The following ERBB4 variants were observed in gnomAD, a reference collection of about 807,000 sequenced individuals.
The protein encoded by ERBB4 is receptor tyrosine-protein kinase erbB-4.
In ERBB4, 42 loss-of-function variants were observed where a neutral mutation model predicts 158.0. That is an observed-to-expected ratio of 0.27 (90% CI 0.21 to 0.34). The LOEUF (loss-of-function observed/expected upper bound fraction) is 0.34. ERBB4 is among the 10% of genes least tolerant of loss of function. The pLI, the probability that ERBB4 is intolerant of heterozygous loss-of-function variation, is 1.00. For synonymous variants in ERBB4, 583 were observed against 558.7 expected (o/e 1.04, Z -0.61); for missense variants, 1,333 against 1,624.1 (o/e 0.82, Z 3.08).
At chr2:211,882,176 T>C (rs952451243) in intron 3 of ERBB4, among the ~76,000 whole-genome samples, 1 of 152,086 alleles carries the variant, frequency 6.6e-6, no homozygotes, top group African/African-American at 2.4e-5. Context: ...CCTTCTCATT[T>C]TTACTTGTTT....
intron 19 of ERBB4, among the ~76,000 whole-genome samples, chr2:211,573,563 G>A (rs554921970): frequency 5.3e-5 from 8 of 152,048 alleles, no homozygotes; most frequent in South Asian, 2.1e-4. Context: ...CCAGCTACCC[G>A]GGAGGCTGAG....
chr2:211,685,945 T>C (rs1361286276), intron 12 of ERBB4, among the ~76,000 whole-genome samples: 1 of 152,212 alleles, frequency 6.6e-6, no homozygotes, highest in Non-Finnish European at 1.5e-5. Flanking sequence ...CAGATACAAT[T>C]AAACTTTGTA....
In ERBB4 at chr2:212,153,215, C is replaced by G. The variant is rs186271639; in HGVS notation, c.83-28312G>C. Among the ~76,000 whole-genome samples, 13 of 152,292 alleles carry G rather than the reference C, an allele frequency of 8.5e-5. No individual in the cohort carries two copies. In the East Asian group the frequency reaches 2.5e-3, roughly 29 times the overall value. ...AAATATGGCATTTCAAAAAATAAATCTTGGCAAAATACCAATTTTTTCTCA... is the reference window on the plus strand; with the variant it reads ...AAATATGGCATTTCAAAAAATAAATGTTGGCAAAATACCAATTTTTTCTCA... On this transcript the variant is annotated intron_variant, in intron 1 of 27. Transcript: ENST00000342788.
intron 1 of ERBB4, among the ~76,000 whole-genome samples, chr2:212,431,450 C>G (rs1273113971): frequency 6.6e-6 from 1 of 152,056 alleles, no homozygotes; most frequent in Non-Finnish European, 1.5e-5. Flanking sequence ...CTCACCACCC[C>G]CACTGCTTCT....
At chr2:212,037,113 T>TTTG (rs10639245) in intron 2 of ERBB4, among the ~76,000 whole-genome samples, 135,971 of 152,030 alleles carry the variant, frequency 0.89, 62,482 homozygotes, top group East Asian at 1. Context: ...GAAGGGTTTT[T>TTTG]TTGTTTGTTG....
chr2:212,369,937 CTTCAAATGTT>C (rs1237515428), intron 1 of ERBB4, among the ~76,000 whole-genome samples: 1 of 151,900 alleles, frequency 6.6e-6, no homozygotes, highest in Non-Finnish European at 1.5e-5. Context: ...CATTTCATGT[CTTCAAATGTT>C]TTTAGGATCC....
At chr2:212,222,944 G>A (rs2083345265) in intron 1 of ERBB4, among the ~76,000 whole-genome samples, 1 of 151,366 alleles carries the variant, frequency 6.6e-6, no homozygotes, top group Admixed American at 6.6e-5. Flanking sequence ...TCCTGTTAGT[G>A]TCTTTAAAGA....
intron 20 of ERBB4, among the ~76,000 whole-genome samples, chr2:211,506,175 G>T (rs1259898318): frequency 6.6e-6 from 1 of 151,140 alleles, no homozygotes; most frequent in African/African-American, 2.5e-5. Flanking sequence ...AAGACAAAGG[G>T]CATTATATAA....
chr2:211,834,678 G>A (rs1490986040), intron 3 of ERBB4, among the ~76,000 whole-genome samples: 1 of 151,980 alleles, frequency 6.6e-6, no homozygotes, highest in Non-Finnish European at 1.5e-5. Flanking sequence ...TATGGAAGTG[G>A]GCCAGTACAA....
chr2:211,847,725 G>A (rs538372037), intron 3 of ERBB4, among the ~76,000 whole-genome samples: 1 of 152,076 alleles, frequency 6.6e-6, no homozygotes, highest in East Asian at 1.9e-4. Flanking sequence ...GTGGCCCTGG[G>A]AAGCCAAAAG....
At chr2:212,190,160 A>G (rs2082142262) in intron 1 of ERBB4, among the ~76,000 whole-genome samples, 1 of 152,208 alleles carries the variant, frequency 6.6e-6, no homozygotes, top group Non-Finnish European at 1.5e-5. Context: ...TTCAAATTAG[A>G]TTATCTTTGT....
chr2:211,593,012 C>A (rs1312032895), intron 19 of ERBB4, among the ~76,000 whole-genome samples: 45 of 141,042 alleles, frequency 3.2e-4, no homozygotes, highest in Admixed American at 4.3e-4. Flanking sequence ...GACTCCATCT[C>A]AAAAAAAAAA....
chr2:212,342,632 G>A (rs1227013868), intron 1 of ERBB4, among the ~76,000 whole-genome samples: 1 of 151,984 alleles, frequency 6.6e-6, no homozygotes, highest in Non-Finnish European at 1.5e-5. Flanking sequence ...CCATATATCT[G>A]GGTTTTCAAT....
At chr2:212,404,360 T>G (rs1357804319) in intron 1 of ERBB4, among the ~76,000 whole-genome samples, 1 of 152,014 alleles carries the variant, frequency 6.6e-6, no homozygotes, top group Non-Finnish European at 1.5e-5. Context: ...GCAGAAGTAA[T>G]CACTCTTCCC....
chr2:212,235,021 T>C (rs992210175), intron 1 of ERBB4, among the ~76,000 whole-genome samples: 7 of 152,132 alleles, frequency 4.6e-5, no homozygotes, highest in African/African-American at 1.7e-4. Flanking sequence ...GCCATTGGTG[T>C]TTGTTGTTTT....
At chr2:211,607,888 TAGACAGGG>T (rs2069047168) in intron 19 of ERBB4, among the ~76,000 whole-genome samples, 1 of 118,864 alleles carries the variant, frequency 8.4e-6, no homozygotes. Context: ...TTTTTTTTTT[TAGACAGGG>T]TCTCACTCTG....
At chr2:212,196,955 C>G (rs2082444190) in intron 1 of ERBB4, among the ~76,000 whole-genome samples, 1 of 152,112 alleles carries the variant, frequency 6.6e-6, no homozygotes. Flanking sequence ...TGGGTAGCAA[C>G]CCACATTTGA....
chr2:212,024,987 A>G (rs1462060763), intron 2 of ERBB4, among the ~76,000 whole-genome samples: 1 of 151,926 alleles, frequency 6.6e-6, no homozygotes, highest in Non-Finnish European at 1.5e-5. Context: ...AAGGGCTACC[A>G]GTACCTCCTT....
chr2:211,986,668 T>C (rs1290411578), intron 2 of ERBB4, among the ~76,000 whole-genome samples: 1 of 152,168 alleles, frequency 6.6e-6, no homozygotes, highest in African/African-American at 2.4e-5. Context: ...TTACTGTAAT[T>C]TTCTCTGTGG....
Sources: gnomAD v4.1 joint callset for allele counts (sites outside exome capture counted in the v4.1 genomes callset) on GRCh38, gnomAD v4.1.1 for gene constraint, MANE v1.5 for transcripts, NCBI Gene and HGNC (gene_info 2026-07-23, HGNC 2026-07-21) for gene names.